Variants in ZMIZ2 observed in about 807,000 individuals in gnomAD.
ZMIZ2 encodes the protein zinc finger MIZ domain-containing protein 2.
A neutral mutation model predicts 93.9 loss-of-function variants in ZMIZ2; 26 were observed. The observed-to-expected ratio is 0.28, with a 90% CI of 0.20 to 0.38. ZMIZ2 has a LOEUF of 0.38. Among genes scored for constraint, ZMIZ2 ranks in the 10% least tolerant of loss-of-function variants. The pLI, the probability that ZMIZ2 is intolerant of heterozygous loss-of-function variation, is 1.00. For missense variants in ZMIZ2, 1,023 were observed against 1,235.0 expected, an observed-to-expected ratio of 0.83 and a Z score of 2.57; for synonymous variants, 485 against 516.4, an observed-to-expected ratio of 0.94 and a Z score of 0.82.
intron 1 of ZMIZ2, among the ~76,000 whole-genome samples, chr7:44,750,232 T>C (rs1045285799): frequency 1.3e-5 from 2 of 152,190 alleles, no homozygotes; most frequent in African/African-American, 4.8e-5. Context: ...GTTAAGGTTG[T>C]CCCTTCAGCT....
chr7:44,764,595 T>C (rs1791514329), intron 14 of ZMIZ2, 109 bp downstream of exon 14: 1 of 1,267,562 alleles, frequency 7.9e-7, no homozygotes, highest in Admixed American at 2.0e-5. Context: ...CTGGGAGGAG[T>C]CACTGCATGG....
chr7:44,749,761 C>CT (rs1024326085), intron 1 of ZMIZ2: 2 of 152,358 alleles, frequency 1.3e-5, no homozygotes, highest in Non-Finnish European at 2.9e-5. Flanking sequence ...AGGGTACCCT[C>CT]TTTCCAGTAT....
chr7:44,763,587 G>T lies in ZMIZ2; in HGVS notation c.1860+174G>T. 1 of 779,516 alleles carries T rather than the reference G, an allele frequency of 1.3e-6. No homozygotes were observed. The highest frequency in any genetic ancestry group is 2.0e-6 in the Non-Finnish European group (1 of 509,480). The allele number at this position is 779,516 out of a possible 1,614,324, so 48.3% of individuals were successfully genotyped here. ...GTGGGCCTGGCTCCCCCAAGACTAGGCTATTTTTTCTTCCAAATATAATTG... is the reference window on the plus strand; with the variant it reads ...GTGGGCCTGGCTCCCCCAAGACTAGTCTATTTTTTCTTCCAAATATAATTG... On this transcript the variant is annotated intron_variant, in intron 13 of 18. Coordinates refer to ENST00000309315, the MANE Select transcript of ZMIZ2 (RefSeq NM_031449.4). This position sits in a 1 kb window ranked among gnomAD's most constrained non-coding sequence, Gnocchi z 5.6.
chr7:44,767,562 G>A lies in ZMIZ2; in HGVS notation c.2702G>A (p.Gly901Asp), dbSNP rs765481083. Residue 901 changes from glycine to aspartate, a missense_variant, in exon 19 of 19, where the codon GGC becomes GAC. Physicochemically the swap from Gly to Asp is moderately conservative, Grantham distance 94. Around this residue, in one of 3 missense-constraint regions of ZMIZ2, gnomAD observed 319 missense variants for 358.8 expected, o/e 0.89. Transcript: ENST00000309315. ...TNPDELLSYL[G>D]PPDLPTNNND... The stretch of plus-strand genomic sequence containing the variant: ...CCTGATGAGCTACTGTCCTACTTGG[G>A]CCCACCCGACCTCCCTACGAACAAC... 7 of 1,613,996 alleles carry A rather than the reference G, an allele frequency of 4.3e-6. No homozygotes were observed. Among genetic ancestry groups the A allele is most frequent in the East Asian group, 4.5e-5 (2 of 44,902 alleles).
At chr7:44,759,896 G>C (rs1295069287) in intron 7 of ZMIZ2, 1 of 546,402 alleles carries the variant, frequency 1.8e-6, no homozygotes, top group Non-Finnish European at 3.2e-6. Flanking sequence ...TGGGAGCCTG[G>C]GTGCGCCGGG....
intron 1 of ZMIZ2, among the ~76,000 whole-genome samples, chr7:44,752,797 A>G (rs1354494392): frequency 6.6e-6 from 1 of 152,236 alleles, no homozygotes; most frequent in African/African-American, 2.4e-5. Context: ...AGCTCTTGCA[A>G]ATAAAGCAGT....
chr7:44,750,642 T>C (rs563554385), intron 1 of ZMIZ2, among the ~76,000 whole-genome samples: 2 of 152,052 alleles, frequency 1.3e-5, no homozygotes, highest in East Asian at 1.9e-4. Context: ...ACCAGGAGAC[T>C]TGGGGGTGCA....
rs1218361074 is a variant in ZMIZ2, at chr7:44,769,408, CCA to C, written c.*1790_*1791del. ...AGCGTTGCCCCTGCGACATTTGGGA[CCA>C]CACAGGTGGGCTTCCTTATTCCCTG... On this transcript the variant is annotated 3_prime_UTR_variant, in exon 19 of 19. Coordinates refer to ENST00000309315, the MANE Select transcript of ZMIZ2 (RefSeq NM_031449.4). 6.5e-5 allele frequency: 10 copies of C among 152,752 alleles called. No homozygotes were observed. The highest frequency in any genetic ancestry group is 2.2e-4 in the African/African-American group (9 of 41,446). The allele number at this position is 152,752 out of a possible 1,614,324, so 9.5% of individuals were successfully genotyped here.
chr7:44,767,193 G>A (rs1293738126), intron 18 of ZMIZ2, among the ~76,000 whole-genome samples: 1 of 152,166 alleles, frequency 6.6e-6, no homozygotes, highest in Non-Finnish European at 1.5e-5. Flanking sequence ...ATCACGGTGG[G>A]GATCCCCACG....
chr7:44,759,279 A>G lies in ZMIZ2; in HGVS notation c.814-2A>G. The G allele has an allele frequency of 6.7e-7, 1 of 1,501,848 alleles. No homozygotes were observed. The highest frequency in any genetic ancestry group is 8.9e-7 in the Non-Finnish European group (1 of 1,123,146). 93.0% of individuals were successfully genotyped at this position (1,501,848 alleles called of 1,614,324 possible). A position where few individuals can be genotyped will look rare whatever the true frequency, so the allele number is the denominator to read the frequency against. On this transcript the variant is annotated splice_acceptor_variant, in intron 6 of 18. Transcript: ENST00000309315. LOFTEE classifies it high-confidence loss of function. ...CCCTCGGGCATTTTGCCTCTTTTTC[A>G]GGTGTATCCAGGGCAGCAGTATCTG...
At chr7:44,751,422 G>A (rs1022216531) in intron 1 of ZMIZ2, among the ~76,000 whole-genome samples, 2 of 152,198 alleles carry the variant, frequency 1.3e-5, no homozygotes, top group African/African-American at 4.8e-5. Context: ...TTGGGGAGCT[G>A]CTGCCCTAGG....
At chr7:44,759,612 T>A in intron 7 of ZMIZ2, 152 bp downstream of exon 7, 6 of 155,908 alleles carry the variant, frequency 3.8e-5, no homozygotes, top group Non-Finnish European at 7.2e-5. Context: ...ACCACAGCTC[T>A]ACAGGAGATG....
In ZMIZ2 at chr7:44,767,765, C is replaced by T. The variant is rs576333744; in HGVS notation, c.*142C>T. On this transcript the variant is annotated 3_prime_UTR_variant, in exon 19 of 19. Transcript: ENST00000309315. ...CACCTGGAGCCAGAGCCTTCTGCCG[C>T]CAGCCCTGCCCCTGAATTGGAAGCA... is the stretch of plus-strand genomic sequence containing the variant. 1.4e-6 allele frequency: 1 copy of T among 727,042 alleles called. No individual in the cohort carries two copies. Among genetic ancestry groups the T allele is most frequent in the Non-Finnish European group, 2.3e-6 (1 of 431,314 alleles). 45.0% of individuals were successfully genotyped at this position (727,042 alleles called of 1,614,324 possible).
Position 44,766,603 on chromosome 7 carries a change from A to G in ZMIZ2, c.2595A>G (p.Thr865=), listed in dbSNP as rs756134680. 16 of 1,613,348 alleles carry G rather than the reference A, an allele frequency of 9.9e-6. No individual in the cohort carries two copies. The highest frequency in any genetic ancestry group is 1.7e-5 in the Admixed American group (1 of 60,004). The change falls in exon 18 of 19, where the codon ACA becomes ACG. Residue 865 remains threonine, a synonymous_variant. Coordinates refer to ENST00000309315, the MANE Select transcript of ZMIZ2 (RefSeq NM_031449.4). This position sits in a 1 kb window ranked among gnomAD's most constrained non-coding sequence, Gnocchi z 4.4. ...GTGAACTGGCCTTCAGTCCTGCCAC[A>G]GGCGTGATGGGGCCCCCCAGCATGT... ...PTGELAFSPA[T]GVMGPPSMSG...
In ZMIZ2 at chr7:44,759,474, C is replaced by T. The variant is rs1299700744; in HGVS notation, c.993+14C>T. 2 of 1,470,258 alleles carry T rather than the reference C, an allele frequency of 1.4e-6. No individual in the cohort carries two copies. The highest frequency in any genetic ancestry group is 1.4e-5 in the South Asian group (1 of 70,652). The allele number at this position is 1,470,258 out of a possible 1,614,324, so 91.1% of individuals were successfully genotyped here. A position where few individuals can be genotyped will look rare whatever the true frequency, so the allele number is the denominator to read the frequency against. On this transcript the variant is annotated intron_variant, in intron 7 of 18. Coordinates refer to ENST00000309315, the MANE Select transcript of ZMIZ2 (RefSeq NM_031449.4). ...CTGCATTATAAGGTAGGGCAGGCTC[C>T]TCCAGGCCCTGTGCCGGGCTCCGTG... is the stretch of plus-strand genomic sequence containing the variant.
chr7:44,760,807 C>T (rs1791101860), intron 9 of ZMIZ2, among the ~76,000 whole-genome samples: 1 of 150,024 alleles, frequency 6.7e-6, no homozygotes, highest in Non-Finnish European at 1.5e-5. Context: ...TGTGATCTTG[C>T]CACTGCACTT....
At chr7:44,759,937 G>GCTTA (rs1791000179) in intron 7 of ZMIZ2, 1 of 595,390 alleles carries the variant, frequency 1.7e-6, no homozygotes, top group Non-Finnish European at 2.9e-6. Context: ...GAGGAGGAGG[G>GCTTA]CTTAGCGTGC....
At position 44,759,292 on chromosome 7, in the gene ZMIZ2, G is replaced by A; in HGVS notation, c.825G>A (p.Gly275=). The stretch of plus-strand genomic sequence containing the variant: ...TGCCTCTTTTTCAGGTGTATCCAGG[G>A]CAGCAGTATCTGCAAGGAGGCCAGT... ...VKRTYSEVYP[G]QQYLQGGQYA... is the part of the protein sequence containing the mutation. Residue 275 remains glycine, a synonymous_variant, in exon 7 of 19, where the codon GGG becomes GGA. Transcript: ENST00000309315. The A allele has an allele frequency of 6.4e-7, 1 of 1,554,276 alleles. No homozygotes were observed. The highest frequency in any genetic ancestry group is 8.7e-7 in the Non-Finnish European group (1 of 1,151,260).
rs981008624 is a variant in ZMIZ2, at chr7:44,757,291, C to T, written c.369-87C>T. On this transcript the variant is annotated intron_variant, in intron 4 of 18. Transcript: ENST00000309315. ...GAGGGTCTAGAAAGAATGGGCTCCC[C>T]CTGGGTGCTGCATGCCTCTGGGGTG... 6.5e-6 allele frequency: 10 copies of T among 1,538,980 alleles called. No homozygotes were observed. The African/African-American group carries it at 1.2e-4, about 19-fold the overall frequency.
Sources: gnomAD v4.1 joint callset for allele counts (sites outside exome capture counted in the v4.1 genomes callset) on GRCh38, gnomAD v4.1.1 for gene constraint, gnomAD v4.1.1 regional missense constraint, Gnocchi (gnomAD v3.1) non-coding constraint, MANE v1.5 for transcripts, NCBI Gene and HGNC (gene_info 2026-07-23, HGNC 2026-07-21) for gene names.